PRKAG2: variants seen among roughly 807,000 people sequenced by gnomAD.
PRKAG2 encodes the protein protein kinase AMP-activated non-catalytic subunit gamma 2.
In PRKAG2, 26 loss-of-function variants were observed where a neutral mutation model predicts 69.6. The ratio of observed to expected loss-of-function variants is 0.37; its 90% CI spans 0.27 to 0.52. The LOEUF is 0.52. PRKAG2 is among the 20% of genes least tolerant of loss of function. The pLI, the probability that PRKAG2 is intolerant of heterozygous loss-of-function variation, is 0.90. For synonymous variants in PRKAG2, 293 were observed against 285.0 expected, an observed-to-expected ratio of 1.03 and a Z score of -0.28; for missense variants, 557 against 740.0, an observed-to-expected ratio of 0.75 and a Z score of 2.87.
chr7:151,657,256 C>T (rs1829572801), intron 4 of PRKAG2, among the ~76,000 whole-genome samples: 1 of 152,094 alleles, frequency 6.6e-6, no homozygotes, highest in Non-Finnish European at 1.5e-5. Context: ...AGACAGCAAA[C>T]ATCGCCTATG....
intron 4 of PRKAG2, among the ~76,000 whole-genome samples, chr7:151,672,295 G>A (rs1194693505): frequency 1.3e-5 from 2 of 151,360 alleles, no homozygotes; most frequent in African/African-American, 2.4e-5. Context: ...GAGAGACGGG[G>A]CTTCACCGTA....
intron 1 of PRKAG2, among the ~76,000 whole-genome samples, chr7:151,832,116 C>T (rs976633526): frequency 6.6e-6 from 1 of 152,076 alleles, no homozygotes; most frequent in African/African-American, 2.4e-5. Flanking sequence ...CTTCTGAGGC[C>T]TGGGGGAAGG....
intron 14 of PRKAG2, among the ~76,000 whole-genome samples, chr7:151,562,958 A>G (rs1402705372): frequency 3.3e-5 from 5 of 151,448 alleles, no homozygotes; most frequent in Non-Finnish European, 5.9e-5. Flanking sequence ...CCGTCTCAAA[A>G]AAAAAAAAAA....
At chr7:151,800,376 A>G (rs2151837737) in intron 1 of PRKAG2, among the ~76,000 whole-genome samples, 1 of 142,774 alleles carries the variant, frequency 7.0e-6, no homozygotes, top group East Asian at 2.0e-4. Context: ...AAAAAAAAAG[A>G]AAGTCGCCTC....
intron 9 of PRKAG2, among the ~76,000 whole-genome samples, chr7:151,571,073 AT>A (rs549539764): frequency 2.3e-3 from 317 of 134,918 alleles, no homozygotes; most frequent in Middle Eastern, 3.8e-3. Flanking sequence ...GCCCAGCCTA[AT>A]TTTTTTTTTT....
Position 151,807,055 on chromosome 7 carries a change from C to A in PRKAG2, c.115-20514G>T. The A allele has an allele frequency of 2.3e-6, 1 of 437,694 alleles. No individual in the cohort carries two copies. Among genetic ancestry groups the A allele is most frequent in the Non-Finnish European group, 4.5e-6 (1 of 220,022 alleles). 27.1% of individuals were successfully genotyped at this position (437,694 alleles called of 1,614,324 possible). On this transcript the variant is annotated intron_variant, in intron 1 of 15. Coordinates refer to ENST00000287878, the MANE Select transcript of PRKAG2 (RefSeq NM_016203.4). The surrounding 1 kb of genome is among the most constrained non-coding windows in gnomAD (Gnocchi z 4.4). ...CACAAAGGTAAGACATGGACCCACCCTCAAGTCTGAAGGTGGAGGTGGGGA... is the reference window on the plus strand; with the variant it reads ...CACAAAGGTAAGACATGGACCCACCATCAAGTCTGAAGGTGGAGGTGGGGA...
rs2078018261 is a variant in PRKAG2 at position 151,804,790 on chromosome 7, C to T, written c.115-18249G>A. On this transcript the variant is annotated intron_variant, in intron 1 of 15. Transcript: ENST00000287878. Reference sequence around the variant, plus strand: ...GAGGTGGCATCCTGTGGAACTGCTTCTCAAACTGCACGTAGGACATAGGTC... The same window carrying T: ...GAGGTGGCATCCTGTGGAACTGCTTTTCAAACTGCACGTAGGACATAGGTC... 2.6e-5 allele frequency among the ~76,000 whole-genome samples: 4 copies of T among 152,274 alleles called. No individual in the cohort carries two copies. In the South Asian group the frequency reaches 8.3e-4, roughly 32 times the overall value.
intron 3 of PRKAG2, among the ~76,000 whole-genome samples, chr7:151,695,115 C>T (rs951668393): frequency 4.6e-5 from 7 of 152,154 alleles, no homozygotes; most frequent in Non-Finnish European, 1.0e-4. Flanking sequence ...TACATGATGC[C>T]TGGTGGGGCT....
At chr7:151,566,806 C>T (rs762854909) in intron 11 of PRKAG2, among the ~76,000 whole-genome samples, 5 of 152,034 alleles carry the variant, frequency 3.3e-5, no homozygotes, top group Admixed American at 6.5e-5. Context: ...AATTTTCAAA[C>T]GTCTTGAAGG....
intron 3 of PRKAG2, among the ~76,000 whole-genome samples, chr7:151,712,749 A>T (rs1487741681): frequency 6.6e-6 from 1 of 152,224 alleles, no homozygotes; most frequent in Non-Finnish European, 1.5e-5. Context: ...GTGCTGAGGG[A>T]GGGTGTGGAA....
At chr7:151,671,381 A>G (rs185949206) in intron 4 of PRKAG2, among the ~76,000 whole-genome samples, 20 of 152,332 alleles carry the variant, frequency 1.3e-4, no homozygotes, top group African/African-American at 4.8e-4. Context: ...GTCTTTAAGT[A>G]ACTCACATTC....
chr7:151,722,510 T>C (rs1797277584), intron 3 of PRKAG2, among the ~76,000 whole-genome samples: 1 of 151,956 alleles, frequency 6.6e-6, no homozygotes, highest in Middle Eastern at 3.2e-3. Flanking sequence ...TCCCCAGGGG[T>C]CTCCTCGTGG....
intron 4 of PRKAG2, among the ~76,000 whole-genome samples, chr7:151,668,880 A>C (rs983480987): frequency 1.3e-5 from 2 of 152,190 alleles, no homozygotes; most frequent in African/African-American, 4.8e-5. Context: ...AATAAATCAA[A>C]AGTGAATTCC....
intron 3 of PRKAG2, among the ~76,000 whole-genome samples, chr7:151,701,797 T>C (rs1257599373): frequency 1.4e-5 from 2 of 147,224 alleles, no homozygotes; most frequent in South Asian, 2.1e-4. Context: ...GAGCCGAGAT[T>C]GCGCCACTGC....
intron 6 of PRKAG2, among the ~76,000 whole-genome samples, chr7:151,591,377 C>A (rs1297830828): frequency 6.6e-6 from 1 of 152,246 alleles, no homozygotes; most frequent in Non-Finnish European, 1.5e-5. Flanking sequence ...CACTGCCACA[C>A]TGGCCCATGC....
chr7:151,605,565 C>T (rs926847140), intron 5 of PRKAG2, among the ~76,000 whole-genome samples: 1 of 149,868 alleles, frequency 6.7e-6, no homozygotes, highest in Non-Finnish European at 1.5e-5. Flanking sequence ...GGCGAAACCC[C>T]GTCTCTACTA....
At chr7:151,603,977 G>A in intron 5 of PRKAG2, among the ~76,000 whole-genome samples, 1 of 152,176 alleles carries the variant, frequency 6.6e-6, no homozygotes, top group East Asian at 1.9e-4. Context: ...TAGGTTAGGA[G>A]CGGTCAGAGG....
chr7:151,580,419 AG>A (rs1452499065), intron 6 of PRKAG2, among the ~76,000 whole-genome samples: 2 of 152,204 alleles, frequency 1.3e-5, no homozygotes, highest in Non-Finnish European at 2.9e-5. Flanking sequence ...GAACCGTAGG[AG>A]GGAACAAAGA....
intron 3 of PRKAG2, among the ~76,000 whole-genome samples, chr7:151,747,556 C>CAAAAA (rs796365565): frequency 8.0e-6 from 1 of 125,762 alleles, no homozygotes. Flanking sequence ...GACTCCGTCT[C>CAAAAA]AAAAAAAAAC....
Sources: gnomAD v4.1 joint callset for allele counts (sites outside exome capture counted in the v4.1 genomes callset) on GRCh38, gnomAD v4.1.1 for gene constraint, Gnocchi (gnomAD v3.1) non-coding constraint, MANE v1.5 for transcripts, NCBI Gene and HGNC (gene_info 2026-07-23, HGNC 2026-07-21) for gene names.